The following DLGAP1 variants were observed in gnomAD, a reference collection of about 807,000 sequenced individuals.
DLGAP1 encodes DLG associated protein 1.
Under a neutral mutation model 90.8 loss-of-function variants are expected in DLGAP1, and 11 were observed. That is an observed-to-expected ratio of 0.12 (90% confidence interval 0.08 to 0.20). DLGAP1 has a LOEUF of 0.20. Among genes scored for constraint, DLGAP1 ranks in the 10% least tolerant of loss-of-function variants. The probability of loss-of-function intolerance (pLI) is 1.00; values close to 1 mark genes in which losing one functional copy is unlikely to be tolerated. For missense variants in DLGAP1, 1,050 were observed against 1,333.8 expected, an observed-to-expected ratio of 0.79 and a Z score of 3.31; for synonymous variants, 558 against 540.7, an observed-to-expected ratio of 1.03 and a Z score of -0.44.
intron 7 of DLGAP1, among the ~76,000 whole-genome samples, chr18:3,674,294 A>ATATATATATATATAT (rs1555623961): frequency 3.3e-3 from 138 of 42,268 alleles, no homozygotes; most frequent in African/African-American, 8.2e-3. Flanking sequence ...CTATAATATT[A>ATATATATATATATAT]AAATATATAT....
Position 3,499,730 on chromosome 18 carries a change from C to T in DLGAP1, c.2725-336G>A, listed in dbSNP as rs1173811080. Among the ~76,000 whole-genome samples, 1 of 152,142 alleles carries T rather than the reference C, an allele frequency of 6.6e-6. No individual in the cohort carries two copies. Among genetic ancestry groups the T allele is most frequent in the East Asian group, 1.9e-4 (1 of 5,172 alleles). On this transcript the variant is annotated intron_variant, in intron 12 of 12. Coordinates refer to ENST00000315677, the MANE Select transcript of DLGAP1 (RefSeq NM_004746.4). This position sits in a 1 kb window ranked among gnomAD's most constrained non-coding sequence, Gnocchi z 6.4. Reference sequence around the variant, plus strand: ...CGGTTCTCTCTGGAGACTCCAGACTCCTCCTGGTGCCAGAGATGGGCCAGG... The same window carrying T: ...CGGTTCTCTCTGGAGACTCCAGACTTCTCCTGGTGCCAGAGATGGGCCAGG...
intron 1 of DLGAP1, among the ~76,000 whole-genome samples, chr18:4,351,197 C>A (rs1315168482): frequency 6.6e-6 from 1 of 152,186 alleles, no homozygotes; most frequent in East Asian, 1.9e-4. Context: ...CTTTCTTCAA[C>A]CAATTGTTAG....
At chr18:4,244,894 T>C (rs902116081) in intron 1 of DLGAP1, among the ~76,000 whole-genome samples, 6 of 152,254 alleles carry the variant, frequency 3.9e-5, no homozygotes, top group African/African-American at 1.2e-4. Context: ...TAGCCTATCA[T>C]ATTAGAACTT....
chr18:3,733,488 A>G (rs1042756401), intron 6 of DLGAP1, among the ~76,000 whole-genome samples: 1 of 152,152 alleles, frequency 6.6e-6, no homozygotes, highest in Non-Finnish European at 1.5e-5. Flanking sequence ...GATACTCCAA[A>G]GTGTACTGTG....
chr18:3,580,921 C>G (rs2055467812), intron 8 of DLGAP1, among the ~76,000 whole-genome samples: 1 of 152,150 alleles, frequency 6.6e-6, no homozygotes, highest in Non-Finnish European at 1.5e-5. Flanking sequence ...TATCCCCCAG[C>G]CCCAGGAAAT....
Position 3,914,502 on chromosome 18 carries a change from A to G in DLGAP1, c.-72-34362T>C, listed in dbSNP as rs556355024. ...CATCTTGTGAATAACCCTGCAGTGAACACGGGGTGCAGCTCTCCCTTCAAC... is the reference window on the plus strand; with the variant it reads ...CATCTTGTGAATAACCCTGCAGTGAGCACGGGGTGCAGCTCTCCCTTCAAC... On this transcript the variant is annotated intron_variant, in intron 3 of 12. Transcript: ENST00000315677. Among the ~76,000 whole-genome samples, 5 of 152,316 alleles carry G rather than the reference A, an allele frequency of 3.3e-5. No individual in the cohort carries two copies. In the East Asian group the frequency reaches 9.6e-4, roughly 29 times the overall value.
At chr18:3,900,301 C>A (rs2071752519) in intron 3 of DLGAP1, among the ~76,000 whole-genome samples, 2 of 152,182 alleles carry the variant, frequency 1.3e-5, no homozygotes, top group African/African-American at 4.8e-5. Flanking sequence ...TGCCCTGATA[C>A]CGACATTGTT....
chr18:3,741,100 CCATCACCAT>C (rs2062944556), intron 6 of DLGAP1, among the ~76,000 whole-genome samples: 22 of 116,058 alleles, frequency 1.9e-4, no homozygotes, highest in Admixed American at 1.7e-3. Context: ...ACCACCACCA[CCATCACCAT>C]CACCACCACC....
rs1475380841 is a variant in DLGAP1, at chr18:3,582,217, T to G, written c.1623A>C (p.Thr541=). ...TAGTTCTGGGTGGGACTGGAGGTGGTGTCTTCTTATATGTTGTAATGCAAG... is the reference window on the plus strand; with the variant it reads ...TAGTTCTGGGTGGGACTGGAGGTGGGGTCTTCTTATATGTTGTAATGCAAG... ...VSSCITTYKK[T]PPPVPPRTTT... is the part of the protein sequence containing the mutation. The change falls in exon 8 of 13, where the codon ACA becomes ACC. Residue 541 remains threonine, a synonymous_variant. Coordinates refer to ENST00000315677, the MANE Select transcript of DLGAP1 (RefSeq NM_004746.4). 6.2e-7 allele frequency: 1 copy of G among 1,614,064 alleles called. No individual in the cohort carries two copies. The highest frequency in any genetic ancestry group is 1.1e-5 in the South Asian group (1 of 91,082).
At chr18:4,176,811 A>G (rs555329778) in intron 1 of DLGAP1, among the ~76,000 whole-genome samples, 1 of 152,344 alleles carries the variant, frequency 6.6e-6, no homozygotes, top group African/African-American at 2.4e-5. Flanking sequence ...GGAAGAAGGA[A>G]TGGAGCGGAT....
At chr18:3,890,554 T>G (rs12373466) in intron 3 of DLGAP1, among the ~76,000 whole-genome samples, 1 of 152,038 alleles carries the variant, frequency 6.6e-6, no homozygotes, top group East Asian at 1.9e-4. Context: ...TCTGACCCTT[T>G]TAACTTTTTT....
At chr18:3,646,969 C>T (rs2059144407) in intron 7 of DLGAP1, among the ~76,000 whole-genome samples, 1 of 151,744 alleles carries the variant, frequency 6.6e-6, no homozygotes, top group South Asian at 2.1e-4. Context: ...TGTAACATCA[C>T]CGGGTGCGGT....
Position 3,729,369 on chromosome 18 carries a change from C to T in DLGAP1, c.1357G>A (p.Glu453Lys). 6.2e-7 allele frequency: 1 copy of T among 1,611,268 alleles called. No individual in the cohort carries two copies. The part of the protein sequence containing the change: ...RAMSTISQVS[E>K]MEVNGQFESV... ...TCGAACTGCCCGTTCACTTCCATCT[C>T]GCTCACCTGCGGGCAGACACAGGCG... Residue 453 changes from glutamate to lysine, a missense_variant, in exon 7 of 13, where the codon GAG becomes AAG. Physicochemically the swap from Glu to Lys is moderately conservative, Grantham distance 56. Transcript: ENST00000315677. The surrounding 1 kb of genome is among the most constrained non-coding windows in gnomAD (Gnocchi z 6.2).
At chr18:4,206,913 G>T (rs1366002608) in intron 1 of DLGAP1, among the ~76,000 whole-genome samples, 1 of 152,114 alleles carries the variant, frequency 6.6e-6, no homozygotes, top group Non-Finnish European at 1.5e-5. Context: ...TTTAGGATGG[G>T]GAGCAATTGA....
chr18:3,806,756 TA>T (rs747007241), intron 5 of DLGAP1, among the ~76,000 whole-genome samples: 1 of 152,208 alleles, frequency 6.6e-6, no homozygotes, highest in Non-Finnish European at 1.5e-5. Flanking sequence ...CAGCACTACC[TA>T]AAGGAAGTGA....
chr18:3,891,613 C>G (rs887229381), intron 3 of DLGAP1, among the ~76,000 whole-genome samples: 1 of 152,136 alleles, frequency 6.6e-6, no homozygotes, highest in Non-Finnish European at 1.5e-5. Context: ...GTCTCTGCCT[C>G]TAGGAATCAT....
chr18:3,750,991 T>C lies in DLGAP1; in HGVS notation c.1173-8479A>G, dbSNP rs1801014016. 2.0e-5 allele frequency among the ~76,000 whole-genome samples: 3 copies of C among 152,218 alleles called. No individual in the cohort carries two copies. The South Asian group carries it at 6.2e-4, about 32-fold the overall frequency. On this transcript the variant is annotated intron_variant, in intron 5 of 12. Coordinates refer to ENST00000315677, the MANE Select transcript of DLGAP1 (RefSeq NM_004746.4). ...CTATAGTGGCTTTTATACTTCTCTG[T>C]TACACACTTTTCCCATTGTTGTAAT...
At chr18:3,846,920 T>C (rs946071003) in intron 4 of DLGAP1, among the ~76,000 whole-genome samples, 6 of 152,210 alleles carry the variant, frequency 3.9e-5, no homozygotes, top group African/African-American at 1.4e-4. Flanking sequence ...TTAAATTGTC[T>C]ACTTTAAATG....
chr18:4,208,213 T>A (rs2077761040), intron 1 of DLGAP1, among the ~76,000 whole-genome samples: 1 of 152,224 alleles, frequency 6.6e-6, no homozygotes, highest in Non-Finnish European at 1.5e-5. Context: ...AGGAGCAGGT[T>A]GTGTTTTGGA....
Sources: allele counts gnomAD v4.1 joint callset (sites outside exome capture counted in the v4.1 genomes callset), GRCh38; gene constraint gnomAD v4.1.1; non-coding constraint Gnocchi (gnomAD v3.1); transcripts MANE v1.5; gene names NCBI Gene and HGNC (gene_info 2026-07-23, HGNC 2026-07-21).